The following BCKDHB variants were observed in gnomAD, a reference collection of about 807,000 sequenced individuals.
The protein encoded by BCKDHB is 2-oxoisovalerate dehydrogenase subunit beta, mitochondrial.
BCKDHB carries 41 observed loss-of-function variants against 48.5 expected under a neutral mutation model. That is an observed-to-expected ratio of 0.85 (90% CI 0.66 to 1.10). The LOEUF is 1.10. BCKDHB is among the 50% of genes least tolerant of loss of function. BCKDHB has a pLI of 0.00. For synonymous variants in BCKDHB, 201 were observed against 174.8 expected (o/e 1.15, Z -1.18); for missense variants, 496 against 494.2 (o/e 1.00, Z -0.03).
At chr6:80,282,585 G>A (rs566961489) in intron 9 of BCKDHB, among the ~76,000 whole-genome samples, 10 of 152,188 alleles carry the variant, frequency 6.6e-5, no homozygotes, top group African/African-American at 2.4e-4. Flanking sequence ...CATTAAAAGA[G>A]TAGTTGATAA....
chr6:80,398,290 A>G, the BCKDHB span, among the ~76,000 whole-genome samples: 10 of 152,024 alleles, frequency 6.6e-5, no homozygotes, highest in Admixed American at 6.6e-4. Flanking sequence ...TGAATCCTAG[A>G]TTGGTTTATT....
intron 3 of BCKDHB, among the ~76,000 whole-genome samples, chr6:80,143,518 A>G (rs1193212345): frequency 1.3e-5 from 2 of 152,172 alleles, no homozygotes; most frequent in African/African-American, 4.8e-5. Context: ...GAGACTGCCT[A>G]TGCAAAAGTC....
At chr6:80,144,849 G>C (rs1173063405) in intron 3 of BCKDHB, among the ~76,000 whole-genome samples, 5 of 152,086 alleles carry the variant, frequency 3.3e-5, no homozygotes, top group Non-Finnish European at 7.4e-5. Context: ...TTTACTAAGG[G>C]AGCAACAGCC....
the BCKDHB span, among the ~76,000 whole-genome samples, chr6:80,384,390 G>A: frequency 8.1e-5 from 12 of 148,970 alleles, no homozygotes; most frequent in South Asian, 4.2e-4. Context: ...ATGGAGTCTC[G>A]CTCTGTCACC....
Sources: allele counts gnomAD v4.1 joint callset (sites outside exome capture counted in the v4.1 genomes callset), GRCh38; gene constraint gnomAD v4.1.1; transcripts MANE v1.5; gene names NCBI Gene and HGNC (gene_info 2026-07-23, HGNC 2026-07-21).